NPFFR1: variants seen among roughly 807,000 people sequenced by gnomAD.
NPFFR1 encodes G-protein coupled receptor 147.
A neutral mutation model predicts 12.7 loss-of-function variants in NPFFR1; 17 were observed. The observed-to-expected ratio is 1.34, with a 90% confidence interval of 0.92 to 2.01. The LOEUF (loss-of-function observed/expected upper bound fraction) is 2.01, where lower values mean the gene tolerates loss of function less well. Among genes scored for constraint, NPFFR1 ranks in the 30% most tolerant of loss-of-function variants. NPFFR1 has a pLI of 0.00. For synonymous variants in NPFFR1, 296 were observed against 264.5 expected (o/e 1.12, Z -1.16); for missense variants, 604 against 606.5 (o/e 1.00, Z 0.04).
chr10:70,279,708 G>A (rs932879015), intron 1 of NPFFR1, among the ~76,000 whole-genome samples: 5 of 152,230 alleles, frequency 3.3e-5, no homozygotes, highest in Admixed American at 2.6e-4. Context: ...TGATCTTCCC[G>A]CTTTGGCCTC....
intron 1 of NPFFR1, among the ~76,000 whole-genome samples, chr10:70,269,235 G>A (rs1311501244): frequency 6.6e-6 from 1 of 152,156 alleles, no homozygotes; most frequent in Non-Finnish European, 1.5e-5. Flanking sequence ...CTCAGGTGAT[G>A]TACCTCTGCC....
At chr10:70,280,223 G>C (rs1319696085) in intron 1 of NPFFR1, among the ~76,000 whole-genome samples, 2 of 152,190 alleles carry the variant, frequency 1.3e-5, no homozygotes, top group African/African-American at 4.8e-5. Context: ...ACTCATTTCA[G>C]ATTTTGGGGT....
intron 1 of NPFFR1, among the ~76,000 whole-genome samples, chr10:70,275,337 C>T (rs1840793146): frequency 6.6e-6 from 1 of 152,182 alleles, no homozygotes; most frequent in African/African-American, 2.4e-5. Flanking sequence ...CATACTGAGC[C>T]TGTACTCTCA....
In NPFFR1 at chr10:70,253,033, C is replaced by G. The variant is rs901680119; in HGVS notation, c.*1924G>C. The G allele has an allele frequency of 1.3e-5, 2 of 152,166 alleles. No homozygotes were observed. The highest frequency in any genetic ancestry group is 2.4e-5 in the African/African-American group (1 of 41,410). 9.4% of individuals were successfully genotyped at this position (152,166 alleles called of 1,614,324 possible). Reference sequence around the variant, plus strand: ...CTTCTTCACAACAAATAGCCCAGAACCAGCTGGGAACTCTCTGGCCCATAT... The same window carrying G: ...CTTCTTCACAACAAATAGCCCAGAAGCAGCTGGGAACTCTCTGGCCCATAT... On this transcript the variant is annotated 3_prime_UTR_variant, in exon 4 of 4. Transcript: ENST00000277942.
At chr10:70,256,433 C>G (rs1053593899) in intron 3 of NPFFR1, among the ~76,000 whole-genome samples, 2 of 152,208 alleles carry the variant, frequency 1.3e-5, no homozygotes, top group Non-Finnish European at 2.9e-5. Flanking sequence ...GCAGAGCGAT[C>G]AGAGTGCGCA....
chr10:70,274,761 C>T (rs537039836), intron 1 of NPFFR1, among the ~76,000 whole-genome samples: 4 of 152,322 alleles, frequency 2.6e-5, no homozygotes, highest in South Asian at 2.1e-4. Flanking sequence ...GAGTAAATTA[C>T]AAAGGGCCTT....
intron 1 of NPFFR1, among the ~76,000 whole-genome samples, chr10:70,282,625 G>C (rs1840875070): frequency 6.6e-6 from 1 of 152,254 alleles, no homozygotes; most frequent in Non-Finnish European, 1.5e-5. Context: ...GCCTCATACT[G>C]GCGTGTTGTA....
At chr10:70,265,292 C>T (rs1840678469) in intron 2 of NPFFR1, among the ~76,000 whole-genome samples, 1 of 152,182 alleles carries the variant, frequency 6.6e-6, no homozygotes, top group Non-Finnish European at 1.5e-5. Flanking sequence ...CAGGCTCAGA[C>T]CTCTAGGGGT....
At chr10:70,268,197 T>C (rs1218204808) in intron 1 of NPFFR1, among the ~76,000 whole-genome samples, 1 of 152,150 alleles carries the variant, frequency 6.6e-6, no homozygotes, top group Non-Finnish European at 1.5e-5. Context: ...TATTTTGAAG[T>C]AAATACCAGA....
chr10:70,270,870 T>C (rs559341064), intron 1 of NPFFR1, among the ~76,000 whole-genome samples: 1 of 152,032 alleles, frequency 6.6e-6, no homozygotes, highest in South Asian at 2.1e-4. Flanking sequence ...CATCTCAGGG[T>C]GTAATAATGG....
chr10:70,261,748 A>G (rs113651299), intron 2 of NPFFR1, among the ~76,000 whole-genome samples: 122 of 152,240 alleles, frequency 8.0e-4, no homozygotes, highest in African/African-American at 2.9e-3. Flanking sequence ...CAGAATCTCT[A>G]GTGACAGGAC....
intron 2 of NPFFR1, among the ~76,000 whole-genome samples, chr10:70,265,060 G>T (rs1368222961): frequency 6.6e-6 from 1 of 152,218 alleles, no homozygotes; most frequent in African/African-American, 2.4e-5. Context: ...ATTGGCAAAG[G>T]AAGCTGGGAC....
chr10:70,280,291 G>A (rs1840846632), intron 1 of NPFFR1, among the ~76,000 whole-genome samples: 2 of 152,224 alleles, frequency 1.3e-5, no homozygotes, highest in African/African-American at 2.4e-5. Flanking sequence ...AGCTTTTTGA[G>A]GAACCTCCAT....
In NPFFR1 at chr10:70,251,680, C is replaced by G. The variant is rs774996063; in HGVS notation, c.*3277G>C. ...CTTGCCGCTTATGAAAGGGCAGTCACCTTAGGAAACCCAGCCAACCTGGAG... is the reference window on the plus strand; with the variant it reads ...CTTGCCGCTTATGAAAGGGCAGTCAGCTTAGGAAACCCAGCCAACCTGGAG... On this transcript the variant is annotated 3_prime_UTR_variant, in exon 4 of 4. Coordinates refer to ENST00000277942, the MANE Select transcript of NPFFR1 (RefSeq NM_022146.5). 6.6e-6 allele frequency: 1 copy of G among 152,260 alleles called. No individual in the cohort carries two copies. Among genetic ancestry groups the G allele is most frequent in the African/African-American group, 2.4e-5 (1 of 41,468 alleles). 9.4% of individuals were successfully genotyped at this position (152,260 alleles called of 1,614,324 possible). A position where few individuals can be genotyped will look rare whatever the true frequency, so the allele number is the denominator to read the frequency against.
At chr10:70,260,199 G>A (rs139576946) in intron 3 of NPFFR1, among the ~76,000 whole-genome samples, 1 of 152,332 alleles carries the variant, frequency 6.6e-6, no homozygotes, top group East Asian at 1.9e-4. Context: ...AGCCTGGGCT[G>A]CCGGGAACCA....
intron 1 of NPFFR1, among the ~76,000 whole-genome samples, chr10:70,277,325 C>T (rs1177700743): frequency 1.3e-5 from 2 of 152,206 alleles, no homozygotes; most frequent in African/African-American, 4.8e-5. Flanking sequence ...GCAGTTCAAA[C>T]CAGGGCAATC....
chr10:70,282,999 C>T (rs1456719085), intron 1 of NPFFR1, among the ~76,000 whole-genome samples: 1 of 152,184 alleles, frequency 6.6e-6, no homozygotes, highest in Non-Finnish European at 1.5e-5. Context: ...AACCCCACCC[C>T]TTCAAGCAGA....
rs192693234 is a variant in NPFFR1, at chr10:70,270,527, G to A, written c.8-4136C>T. Among the ~76,000 whole-genome samples, 642 of 152,332 alleles carry A rather than the reference G, an allele frequency of 4.2e-3. 7 individuals carry two copies. The highest frequency in any genetic ancestry group is 0.015 in the African/African-American group (619 of 41,564). On this transcript the variant is annotated intron_variant, in intron 1 of 3. Transcript: ENST00000277942. ...TGGCCCTCAAGTAAGCTCATCTTCC[G>A]AAGTCTGTCCTGAGAAGTATCTGGG...
intron 1 of NPFFR1, among the ~76,000 whole-genome samples, chr10:70,266,813 T>C (rs1203701932): frequency 1.3e-5 from 2 of 152,088 alleles, no homozygotes; most frequent in South Asian, 2.1e-4. Context: ...GAGGTCAGGG[T>C]GTTTGTCTTC....
Sources: allele counts gnomAD v4.1 joint callset (sites outside exome capture counted in the v4.1 genomes callset), GRCh38; gene constraint gnomAD v4.1.1; transcripts MANE v1.5; gene names NCBI Gene and HGNC (gene_info 2026-07-23, HGNC 2026-07-21).